ADAM22: variants seen among roughly 807,000 people sequenced by gnomAD.
ADAM22 encodes ADAM metallopeptidase domain 22.
In ADAM22, 65 loss-of-function variants were observed where a neutral mutation model predicts 144.6. The ratio of observed to expected loss-of-function variants is 0.45; its 90% CI spans 0.37 to 0.55. The LOEUF (loss-of-function observed/expected upper bound fraction) is 0.55, where lower values mean the gene tolerates loss of function less well. ADAM22 is among the 20% of genes least tolerant of loss of function. ADAM22 has a pLI of 0.00. For synonymous variants in ADAM22, 391 were observed against 412.6 expected, an observed-to-expected ratio of 0.95 and a Z score of 0.63; for missense variants, 974 against 1,184.9, an observed-to-expected ratio of 0.82 and a Z score of 2.61.
intron 7 of ADAM22, among the ~76,000 whole-genome samples, chr7:88,118,557 C>G (rs1263843176): frequency 6.6e-6 from 1 of 151,606 alleles, no homozygotes; most frequent in Non-Finnish European, 1.5e-5. Context: ...TGGGAGCAGT[C>G]AACATTAATT....
At chr7:88,157,439 C>T (rs1338184708) in intron 22 of ADAM22, among the ~76,000 whole-genome samples, 1 of 152,034 alleles carries the variant, frequency 6.6e-6, no homozygotes, top group African/African-American at 2.4e-5. Flanking sequence ...AAAATTATTT[C>T]CAAACTAGAA....
chr7:88,182,077 T>A (rs375156258), intron 29 of ADAM22, 53 bp downstream of exon 29: 1 of 1,472,092 alleles, frequency 6.8e-7, no homozygotes, highest in African/African-American at 1.4e-5. Flanking sequence ...GTGCAAATAG[T>A]GTCAAAAGTA....
intron 3 of ADAM22, among the ~76,000 whole-genome samples, chr7:88,066,142 A>G (rs1300607807): frequency 3.9e-5 from 6 of 152,178 alleles, no homozygotes; most frequent in African/African-American, 1.4e-4. Flanking sequence ...TGGAATTGTT[A>G]TATTCTTCAT....
At chr7:87,969,702 G>A (rs530530052) in intron 2 of ADAM22, among the ~76,000 whole-genome samples, 1 of 152,268 alleles carries the variant, frequency 6.6e-6, no homozygotes, top group East Asian at 1.9e-4. Flanking sequence ...GAATTCAAAT[G>A]TACCTCAGCT....
intron 7 of ADAM22, among the ~76,000 whole-genome samples, chr7:88,123,590 C>G (rs537938040): frequency 6.6e-6 from 1 of 151,956 alleles, no homozygotes; most frequent in Non-Finnish European, 1.5e-5. Context: ...CCCTGCTGAT[C>G]AATTTTATTG....
At chr7:88,028,865 C>T (rs2129469057) in intron 3 of ADAM22, among the ~76,000 whole-genome samples, 1 of 152,072 alleles carries the variant, frequency 6.6e-6, no homozygotes, top group East Asian at 1.9e-4. Flanking sequence ...ATATCTTTTT[C>T]CATCCTTTTA....
chr7:88,060,247 A>G (rs1199039785), intron 3 of ADAM22, among the ~76,000 whole-genome samples: 1 of 152,272 alleles, frequency 6.6e-6, no homozygotes, highest in Non-Finnish European at 1.5e-5. Flanking sequence ...GCAATTTCTT[A>G]AAATAACAAT....
intron 2 of ADAM22, among the ~76,000 whole-genome samples, chr7:87,937,106 C>G (rs1841418892): frequency 6.6e-6 from 1 of 152,038 alleles, no homozygotes; most frequent in Non-Finnish European, 1.5e-5. Context: ...CAGGCATGTG[C>G]CACCTTATCT....
intron 27 of ADAM22, among the ~76,000 whole-genome samples, chr7:88,180,407 C>T (rs1398617280): frequency 6.6e-6 from 1 of 151,868 alleles, no homozygotes; most frequent in Non-Finnish European, 1.5e-5. Flanking sequence ...TTCTTTTGTA[C>T]AAAATATGAG....
chr7:88,015,695 T>G (rs1796400922), intron 3 of ADAM22, among the ~76,000 whole-genome samples: 1 of 152,194 alleles, frequency 6.6e-6, no homozygotes, highest in Non-Finnish European at 1.5e-5. Flanking sequence ...GCCAGGCAGC[T>G]TGGATTTTTC....
At position 88,131,336 on chromosome 7, in the gene ADAM22, AG is replaced by A; in HGVS notation, c.894del (p.Lys298AsnfsTer9). ...ATGGAAACCTGGGCGACTGACAACA[AG>A]TTTGCCATATCTGAAAATCCATTGA... ...VAMETWATDN[K>X]FAISENPLIT... On this transcript the variant is annotated frameshift_variant, in exon 11 of 32. Transcript: ENST00000413139. LOFTEE classifies it high-confidence loss of function. 6.2e-7 allele frequency: 1 copy of A among 1,613,852 alleles called. No individual in the cohort carries two copies.
chr7:88,126,045 C>T (rs1182745816), intron 8 of ADAM22, among the ~76,000 whole-genome samples: 1 of 151,940 alleles, frequency 6.6e-6, no homozygotes, highest in Non-Finnish European at 1.5e-5. Context: ...ATGAATCAAT[C>T]AGGTTGTGAA....
At chr7:88,153,817 C>A (rs577788457) in intron 21 of ADAM22, among the ~76,000 whole-genome samples, 7 of 152,190 alleles carry the variant, frequency 4.6e-5, no homozygotes, top group Non-Finnish European at 8.8e-5. Flanking sequence ...TTCATGTATT[C>A]ACTTACGTTC....
At chr7:87,985,270 A>G (rs1212743881) in intron 3 of ADAM22, among the ~76,000 whole-genome samples, 3 of 151,336 alleles carry the variant, frequency 2.0e-5, no homozygotes, top group Non-Finnish European at 4.4e-5. Context: ...CCGAGATCGC[A>G]CCACTGCACT....
intron 3 of ADAM22, among the ~76,000 whole-genome samples, chr7:87,989,792 C>T (rs933460462): frequency 1.3e-5 from 2 of 151,970 alleles, no homozygotes; most frequent in South Asian, 2.1e-4. Flanking sequence ...GGCACACACC[C>T]GTAATCCCAG....
intron 2 of ADAM22, among the ~76,000 whole-genome samples, chr7:87,960,267 C>G (rs754648484): frequency 6.6e-6 from 1 of 152,078 alleles, no homozygotes; most frequent in African/African-American, 2.4e-5. Context: ...TAGAAGAAGT[C>G]CATATGCTTT....
chr7:88,103,514 AT>A (rs1169945753), intron 4 of ADAM22, among the ~76,000 whole-genome samples: 5 of 151,970 alleles, frequency 3.3e-5, no homozygotes, highest in Non-Finnish European at 5.9e-5. Context: ...ATAGAGGTAG[AT>A]TTTTTTTAGC....
chr7:88,141,147 G>A (rs1294378367), intron 14 of ADAM22, among the ~76,000 whole-genome samples: 1 of 152,226 alleles, frequency 6.6e-6, no homozygotes, highest in African/African-American at 2.4e-5. Flanking sequence ...AATTGTCAGT[G>A]TTTGTCGGGA....
At chr7:88,083,418 A>G (rs1817470456) in intron 4 of ADAM22, among the ~76,000 whole-genome samples, 1 of 151,980 alleles carries the variant, frequency 6.6e-6, no homozygotes, top group Non-Finnish European at 1.5e-5. Flanking sequence ...CAGCACACCA[A>G]CATGGCACAT....
Sources: allele counts gnomAD v4.1 joint callset (sites outside exome capture counted in the v4.1 genomes callset), GRCh38; gene constraint gnomAD v4.1.1; transcripts MANE v1.5; gene names NCBI Gene and HGNC (gene_info 2026-07-23, HGNC 2026-07-21).